Variants in DAB2IP observed in about 807,000 individuals in gnomAD.
The protein encoded by DAB2IP is disabled homolog 2-interacting protein.
Under a neutral mutation model 107.2 loss-of-function variants are expected in DAB2IP, and 28 were observed. The observed-to-expected ratio is 0.26, with a 90% CI of 0.19 to 0.36. The LOEUF (loss-of-function observed/expected upper bound fraction) is 0.36. DAB2IP is among the 10% of genes least tolerant of loss of function. The pLI is 1.00. For missense variants in DAB2IP, 1,400 were observed against 1,644.7 expected, an observed-to-expected ratio of 0.85 and a Z score of 2.57; for synonymous variants, 755 against 706.4, an observed-to-expected ratio of 1.07 and a Z score of -1.09.
chr9:121,678,749 G>A, exon 2 of DAB2IP: 1 of 1,599,374 alleles, frequency 6.3e-7, no homozygotes, highest in Non-Finnish European at 8.5e-7. Flanking sequence ...CCCCAGCATG[G>A]AGCCCTCGGC....
chr9:121,588,033 T>A (rs1830344479), intron 1 of DAB2IP, among the ~76,000 whole-genome samples: 1 of 152,228 alleles, frequency 6.6e-6, no homozygotes, highest in Admixed American at 6.5e-5. Flanking sequence ...CACAGCCTGG[T>A]AAACTCCTAT....
chr9:121,771,273 CA>C (rs1250363227), intron 11 of DAB2IP, among the ~76,000 whole-genome samples: 1 of 152,152 alleles, frequency 6.6e-6, no homozygotes, highest in Non-Finnish European at 1.5e-5. Flanking sequence ...GAGTGGAAGG[CA>C]AAATGTTCTT....
chr9:121,577,925 G>A (rs1041829906), intron 1 of DAB2IP, among the ~76,000 whole-genome samples: 3 of 152,160 alleles, frequency 2.0e-5, no homozygotes, highest in Non-Finnish European at 4.4e-5. Flanking sequence ...CTTGGGGGCT[G>A]TCCCGGGTCA....
intron 8 of DAB2IP, 85 bp downstream of exon 8, chr9:121,763,964 TG>T: frequency 6.4e-7 from 1 of 1,558,850 alleles, no homozygotes; most frequent in Admixed American, 1.7e-5. Context: ...TGCCTGATGC[TG>T]CCTGGCCCCT....
At chr9:121,695,826 G>T (rs1343476085) in intron 2 of DAB2IP, among the ~76,000 whole-genome samples, 2 of 152,160 alleles carry the variant, frequency 1.3e-5, no homozygotes, top group Admixed American at 6.5e-5. Flanking sequence ...CTTACTGTCG[G>T]CTACACTCTG....
chr9:121,567,782 A>C (rs1295861379), intron 1 of DAB2IP, among the ~76,000 whole-genome samples: 1 of 152,190 alleles, frequency 6.6e-6, no homozygotes, highest in Non-Finnish European at 1.5e-5. Flanking sequence ...GACAGAGCCC[A>C]TGCAGAGTCT....
chr9:121,707,289 C>T lies in DAB2IP; in HGVS notation c.362+7831C>T, dbSNP rs114953917. 2.5e-3 allele frequency among the ~76,000 whole-genome samples: 386 copies of T among 152,260 alleles called. 1 individual carries two copies. Among genetic ancestry groups the T allele is most frequent in the African/African-American group, 8.7e-3 (361 of 41,532 alleles). ...CTGAGACTGTACTTTTTAGAGGTTG[C>T]GCAAAAGGCAGCCTGAGAAGGTTTT... On this transcript the variant is annotated intron_variant, in intron 3 of 15. Transcript: ENST00000408936.
At chr9:121,669,163 C>T (rs1016188110) in intron 1 of DAB2IP, among the ~76,000 whole-genome samples, 4 of 152,084 alleles carry the variant, frequency 2.6e-5, no homozygotes, top group African/African-American at 9.7e-5. Context: ...AACTCCTGGC[C>T]TCAAGCAATC....
chr9:121,674,546 A>G (rs1389218806), intron 1 of DAB2IP, among the ~76,000 whole-genome samples: 1 of 152,046 alleles, frequency 6.6e-6, no homozygotes, highest in Non-Finnish European at 1.5e-5. Flanking sequence ...TCTCAGGTGG[A>G]GGGGTGTAGC....
intron 3 of DAB2IP, among the ~76,000 whole-genome samples, chr9:121,724,791 C>T (rs1326036219): frequency 6.6e-6 from 1 of 152,104 alleles, no homozygotes; most frequent in Non-Finnish European, 1.5e-5. Flanking sequence ...TGTCTGTGGC[C>T]TCTGAGCCCT....
At chr9:121,678,527 T>G in intron 1 of DAB2IP, 151 bp from the exon 2 acceptor site, 1 of 512,334 alleles carries the variant, frequency 2.0e-6, no homozygotes, top group Non-Finnish European at 3.2e-6. Context: ...TTTTAATTTT[T>G]GGAGGAACTG....
At chr9:121,571,642 CTGA>C (rs1829945084) in intron 1 of DAB2IP, among the ~76,000 whole-genome samples, 1 of 152,144 alleles carries the variant, frequency 6.6e-6, no homozygotes, top group Non-Finnish European at 1.5e-5. Flanking sequence ...GACCCCAGTT[CTGA>C]TTGCATCCAT....
At chr9:121,613,209 A>G (rs1831154768) in intron 1 of DAB2IP, among the ~76,000 whole-genome samples, 1 of 152,158 alleles carries the variant, frequency 6.6e-6, no homozygotes, top group African/African-American at 2.4e-5. Context: ...AGTGCTTAGC[A>G]CAGAGCTGGC....
intron 3 of DAB2IP, among the ~76,000 whole-genome samples, chr9:121,725,550 C>G (rs757681581): frequency 1.3e-5 from 2 of 152,208 alleles, no homozygotes; most frequent in Non-Finnish European, 2.9e-5. Context: ...GACAGTCACG[C>G]CAATCTCTGC....
At chr9:121,766,678 C>A (rs756578907) in exon 9 of DAB2IP, 2 of 1,614,132 alleles carry the variant, frequency 1.2e-6, no homozygotes, top group African/African-American at 1.3e-5. Context: ...CCGCACTGCC[C>A]GCACCCTCAC....
chr9:121,664,098 A>AT, intron 1 of DAB2IP, among the ~76,000 whole-genome samples: 1 of 152,352 alleles, frequency 6.6e-6, no homozygotes, highest in African/African-American at 2.4e-5. Flanking sequence ...TTTTTATTAC[A>AT]TAGAGACAAC....
intron 1 of DAB2IP, among the ~76,000 whole-genome samples, chr9:121,671,719 T>G (rs1259968652): frequency 3.3e-5 from 5 of 152,254 alleles, no homozygotes; most frequent in Non-Finnish European, 7.3e-5. Context: ...TGAGTTGTAT[T>G]CATGTTGATC....
chr9:121,618,710 C>T (rs903314253), intron 1 of DAB2IP, among the ~76,000 whole-genome samples: 5 of 152,084 alleles, frequency 3.3e-5, no homozygotes, highest in Admixed American at 6.5e-5. Flanking sequence ...ACGCTGTAGG[C>T]GTGACATCCA....
At chr9:121,642,045 T>G (rs144743006) in intron 1 of DAB2IP, among the ~76,000 whole-genome samples, 1 of 36,694 alleles carries the variant, frequency 2.7e-5, no homozygotes, top group South Asian at 1.5e-3. Flanking sequence ...CTTTCTTTCT[T>G]TCTTTCTTTC....
Sources: gnomAD v4.1 joint callset for allele counts (sites outside exome capture counted in the v4.1 genomes callset) on GRCh38, gnomAD v4.1.1 for gene constraint, MANE v1.5 for transcripts, NCBI Gene and HGNC (gene_info 2026-07-23, HGNC 2026-07-21) for gene names.